ECT2: variants seen among roughly 807,000 people sequenced by gnomAD.
ECT2 encodes protein ECT2.
ECT2 carries 61 observed loss-of-function variants against 116.9 expected under a neutral mutation model. That is an observed-to-expected ratio of 0.52 (90% CI 0.42 to 0.65). The LOEUF (loss-of-function observed/expected upper bound fraction) is 0.65. ECT2 is among the 30% of genes least tolerant of loss of function. The pLI is 0.00. For missense variants in ECT2, 937 were observed against 1,078.7 expected (o/e 0.87, Z 1.84); for synonymous variants, 358 against 346.4 (o/e 1.03, Z -0.37).
At chr3:172,759,170 T>C (rs1717708596) in intron 6 of ECT2, 101 bp downstream of exon 6, 5 of 790,904 alleles carry the variant, frequency 6.3e-6, no homozygotes, top group African/African-American at 1.8e-5. Context: ...TTTTAAAATA[T>C]TGAAGGATAA....
At chr3:172,825,655 T>G (rs1730822924), downstream of ECT2, among the ~76,000 whole-genome samples, 1 of 152,152 alleles carries the variant, frequency 6.6e-6, no homozygotes, top group South Asian at 2.1e-4. Context: ...CTTTCAATTC[T>G]ATGAAGGCTG....
chr3:172,774,806 T>C (rs758248202), intron 14 of ECT2, among the ~76,000 whole-genome samples: 1 of 152,184 alleles, frequency 6.6e-6, no homozygotes, highest in African/African-American at 2.4e-5. Context: ...ACCTAACCTT[T>C]GTTTGCTGTT....
At chr3:172,762,392 T>C (rs1237011385) in intron 8 of ECT2, 24 bp from the exon 9 acceptor site, 19 of 1,584,726 alleles carry the variant, frequency 1.2e-5, no homozygotes, top group Non-Finnish European at 1.5e-5. Context: ...AAACTGGTTT[T>C]GGAAGAGTGT....
At chr3:172,756,718 C>T (rs1266468602) in intron 4 of ECT2, among the ~76,000 whole-genome samples, 2 of 151,858 alleles carry the variant, frequency 1.3e-5, no homozygotes, top group African/African-American at 2.4e-5. Context: ...AGTAATAAGT[C>T]AGAATTATGC....
chr3:172,797,399 CT>C (rs1725919134), intron 18 of ECT2, among the ~76,000 whole-genome samples: 1 of 152,088 alleles, frequency 6.6e-6, no homozygotes, highest in Admixed American at 6.6e-5. Context: ...TTACCTTTTG[CT>C]TTTTCCCCTT....
chr3:172,816,791 A>G lies in ECT2; in HGVS notation c.2609A>G (p.Asn870Ser), dbSNP rs753717689. Residue 870 changes from asparagine (N) to serine (S), a missense_variant, in exon 24 of 25, where the codon AAT becomes AGT. Transcript: ENST00000392692. Reference sequence around the variant, plus strand: ...GTGGAGGGAAGAAGTCCTTCCAGCAATGATAAGCATGTAATGAGTCGTCTT... The same window carrying G: ...GTGGAGGGAAGAAGTCCTTCCAGCAGTGATAAGCATGTAATGAGTCGTCTT... The part of the protein sequence containing the change: ...GSVEGRSPSS[N>S]DKHVMSRLSS... 2.5e-6 allele frequency: 4 copies of G among 1,609,590 alleles called. No homozygotes were observed. The highest frequency in any genetic ancestry group is 3.4e-6 in the Non-Finnish European group (4 of 1,177,026).
chr3:172,768,925 C>T (rs1200457970), intron 12 of ECT2, 82 bp from the exon 13 acceptor site: 13 of 1,397,452 alleles, frequency 9.3e-6, no homozygotes, highest in African/African-American at 1.5e-5. Context: ...GGTTTTCTCT[C>T]CTTTTTATCT....
At chr3:172,820,097 A>AT (rs1288462797) in intron 24 of ECT2, 51 bp from the exon 25 acceptor site, 3 of 1,449,360 alleles carry the variant, frequency 2.1e-6, no homozygotes, top group South Asian at 1.2e-5. Context: ...GTATTTTACA[A>AT]TTTTTTTAAA....
Position 172,802,701 on chromosome 3 carries a change from A to G in ECT2, c.1986+7A>G, listed in dbSNP as rs1726940835. The stretch of plus-strand genomic sequence containing the variant: ...TGAAGTAGATGGATGCCCAGTAAGT[A>G]TTCTTCTTTAACAATTATTAATTTA... On this transcript the variant is annotated splice_region_variant and intron_variant, in intron 19 of 24. Transcript: ENST00000392692. 1 of 1,578,004 alleles carries G rather than the reference A, an allele frequency of 6.3e-7. No individual in the cohort carries two copies.
intron 22 of ECT2, among the ~76,000 whole-genome samples, chr3:172,811,183 A>G (rs528981597): frequency 6.6e-6 from 1 of 152,230 alleles, no homozygotes; most frequent in Non-Finnish European, 1.5e-5. Flanking sequence ...AATAGACTAA[A>G]AAGCAGAAAG....
rs750969640 is a variant in ECT2 at position 172,762,549 on chromosome 3, A to G, written c.889+3A>G. The G allele has an allele frequency of 6.3e-7, 1 of 1,590,194 alleles. No homozygotes were observed. The highest frequency in any genetic ancestry group is 8.5e-7 in the Non-Finnish European group (1 of 1,174,206). On this transcript the variant is annotated splice_donor_region_variant and intron_variant, in intron 9 of 24. Transcript: ENST00000392692. The stretch of plus-strand genomic sequence containing the variant: ...GGAAGAAATGACTGAAATGCAAGGT[A>G]AAATTTAGCATAATGTAAAAGTTAT...
At chr3:172,771,922 T>C (rs1289131817) in intron 13 of ECT2, among the ~76,000 whole-genome samples, 2 of 152,220 alleles carry the variant, frequency 1.3e-5, no homozygotes, top group Admixed American at 1.3e-4. Flanking sequence ...TCTGTATATC[T>C]TTTTTGTTGA....
At chr3:172,790,932 A>ATC (rs1332422652) in intron 18 of ECT2, among the ~76,000 whole-genome samples, 1 of 152,228 alleles carries the variant, frequency 6.6e-6, no homozygotes, top group African/African-American at 2.4e-5. Flanking sequence ...AGGTGGGCAG[A>ATC]TCACTTGAGG....
At chr3:172,755,698 A>G (rs933785805) in intron 4 of ECT2, 123 bp downstream of exon 4, 1 of 431,912 alleles carries the variant, frequency 2.3e-6, no homozygotes, top group African/African-American at 2.0e-5. Context: ...TAATGAATAG[A>G]AACTGTTTTA....
intron 20 of ECT2, among the ~76,000 whole-genome samples, 196 bp from the exon 21 acceptor site, chr3:172,805,535 A>G (rs1011049279): frequency 3.3e-5 from 5 of 152,140 alleles, no homozygotes; most frequent in Non-Finnish European, 7.3e-5. Flanking sequence ...CTTCTTATAT[A>G]AACATGAACA....
At chr3:172,794,871 C>T (rs1405225444) in intron 18 of ECT2, among the ~76,000 whole-genome samples, 1 of 151,974 alleles carries the variant, frequency 6.6e-6, no homozygotes, top group South Asian at 2.1e-4. Flanking sequence ...CGCACCATCA[C>T]ACCTGGCTAA....
chr3:172,776,198 C>CTTTTTTT (rs60558773), intron 14 of ECT2, among the ~76,000 whole-genome samples: 269 of 111,514 alleles, frequency 2.4e-3, no homozygotes, highest in Middle Eastern at 5.4e-3. Flanking sequence ...TCAGTTTTTT[C>CTTTTTTT]TTTTTTTTTT....
At chr3:172,797,050 G>GTGTGTGTGTGTGTT (rs1409319197) in intron 18 of ECT2, among the ~76,000 whole-genome samples, 1 of 151,698 alleles carries the variant, frequency 6.6e-6, no homozygotes, top group African/African-American at 2.4e-5. Flanking sequence ...GTGTGTGTGT[G>GTGTGTGTGTGTGTT]TGTCAGGGTC....
rs1277655423 is a variant in ECT2 at position 172,820,315 on chromosome 3, G to A, written c.*78G>A. On this transcript the variant is annotated 3_prime_UTR_variant, in exon 25 of 25. Transcript: ENST00000392692. The stretch of plus-strand genomic sequence containing the variant: ...TAAGAAACTGACTTAAATGGTACTT[G>A]TAATTAGCACTTGGTGAAAGCTGGA... The A allele has an allele frequency of 3.1e-6, 3 of 964,364 alleles. No individual in the cohort carries two copies. Among genetic ancestry groups the A allele is most frequent in the Non-Finnish European group, 3.0e-6 (2 of 667,996 alleles). The allele number at this position is 964,364 out of a possible 1,614,324, so 59.7% of individuals were successfully genotyped here. A position where few individuals can be genotyped will look rare whatever the true frequency, so the allele number is the denominator to read the frequency against.
Sources: allele counts gnomAD v4.1 joint callset (sites outside exome capture counted in the v4.1 genomes callset), GRCh38; gene constraint gnomAD v4.1.1; transcripts MANE v1.5; gene names NCBI Gene and HGNC (gene_info 2026-07-23, HGNC 2026-07-21).